VIRMA: variants seen among roughly 807,000 people sequenced by gnomAD.
VIRMA encodes the protein protein virilizer homolog.
VIRMA carries 65 observed loss-of-function variants against 182.4 expected under a neutral mutation model. The observed-to-expected ratio is 0.36, with a 90% CI of 0.29 to 0.44. The LOEUF (loss-of-function observed/expected upper bound fraction) is 0.44, where lower values mean the gene tolerates loss of function less well. VIRMA is among the 20% of genes least tolerant of loss of function. VIRMA has a pLI of 1.00. For synonymous variants in VIRMA, 709 were observed against 743.1 expected (o/e 0.95, Z 0.75); for missense variants, 1,752 against 2,158.1 (o/e 0.81, Z 3.73).
rs143450140 is a variant in VIRMA, at chr8:94,491,844, C to T, written c.4874G>A (p.Gly1625Asp). The T allele has an allele frequency of 4.3e-6, 7 of 1,613,334 alleles. No individual in the cohort carries two copies. The highest frequency in any genetic ancestry group is 1.3e-5 in the African/African-American group (1 of 74,832). The change falls in exon 22 of 24, where the codon GGC becomes GAC. Residue 1625 changes from glycine to aspartate, a missense_variant. Gly to Asp is a moderately conservative substitution (Grantham distance 94). This residue lies in a region of VIRMA where 27 missense variants were observed against 60.8 expected (regional missense o/e 0.44). Coordinates refer to ENST00000297591, the MANE Select transcript of VIRMA (RefSeq NM_015496.5). Reference sequence around the variant, plus strand: ...TATACCCTGTCCAAATCCTCCCCTGCCCCTTCCTCTTGGTGGTGGCACAAC... The same window carrying T: ...TATACCCTGTCCAAATCCTCCCCTGTCCCTTCCTCTTGGTGGTGGCACAAC... Reference protein sequence around the residue: ...AHVVPPPRGRGRGGFGQGIRP... With the variant: ...AHVVPPPRGRDRGGFGQGIRP...
chr8:94,527,570 G>C (rs1815018666), intron 7 of VIRMA, among the ~76,000 whole-genome samples: 1 of 151,918 alleles, frequency 6.6e-6, no homozygotes, highest in South Asian at 2.1e-4. Context: ...TCCTGAAAGG[G>C]GTGAGACCTG....
intron 4 of VIRMA, 37 bp from the exon 5 acceptor site, chr8:94,535,044 T>C (rs1301484069): frequency 6.5e-7 from 1 of 1,549,790 alleles, no homozygotes. Flanking sequence ...TCTTTCAAAG[T>C]CATGTTTTAA....
At chr8:94,524,931 T>G (rs553646862) in intron 8 of VIRMA, among the ~76,000 whole-genome samples, 2 of 152,300 alleles carry the variant, frequency 1.3e-5, no homozygotes, top group East Asian at 3.9e-4. Context: ...TGCTTCTCAT[T>G]TTGTCTTTCT....
intron 19 of VIRMA, among the ~76,000 whole-genome samples, 199 bp from the exon 20 acceptor site, chr8:94,495,155 C>T (rs1330131024): frequency 6.6e-6 from 1 of 151,984 alleles, no homozygotes; most frequent in Non-Finnish European, 1.5e-5. Context: ...TGTGTACCAC[C>T]ACACCCAGCT....
chr8:94,510,336 C>G (rs1332421300), intron 14 of VIRMA, 81 bp downstream of exon 14: 1 of 1,091,762 alleles, frequency 9.2e-7, no homozygotes, highest in East Asian at 2.6e-5. Context: ...ATTCCAAACC[C>G]TAGTTTCCAA....
chr8:94,495,753 G>A lies in VIRMA; in HGVS notation c.4522C>T (p.Leu1508Phe). The change falls in exon 19 of 24, where the codon CTT becomes TTT. Residue 1508 changes from leucine (L) to phenylalanine (F), a missense_variant. Leu to Phe is a conservative substitution (Grantham distance 22, BLOSUM62 0). Transcript: ENST00000297591. ...TACCTATTGTTAAACAGATTCTGAA[G>A]AGATTCTGGAGCTGAAAGTACTGGT... is the stretch of plus-strand genomic sequence containing the variant. ...VEPVLSAPES[L>F]QNLFNNRTAY... is the part of the protein sequence containing the mutation. 1 of 1,613,476 alleles carries A rather than the reference G, an allele frequency of 6.2e-7. No homozygotes were observed. Among genetic ancestry groups the A allele is most frequent in the South Asian group, 1.1e-5 (1 of 90,982 alleles).
intron 7 of VIRMA, 49 bp downstream of exon 7, chr8:94,529,021 A>T (rs1318130877): frequency 6.3e-7 from 1 of 1,597,182 alleles, no homozygotes; most frequent in East Asian, 2.2e-5. Context: ...AGCTGTATCG[A>T]GTTAGTTTCT....
chr8:94,489,959 A>G lies in VIRMA; in HGVS notation c.5264T>C (p.Leu1755Ser), dbSNP rs1563675195. ...SNFNRGPLPP[L>S]RPLSSTGYRP... is the part of the protein sequence containing the mutation. ...TATACCTGTAGAACTAAGGGGTCGT[A>G]ATGGTGGAAGAGGGCCTCTGTTAAA... The change falls in exon 23 of 24, where the codon TTA becomes TCA. Residue 1755 changes from leucine to serine, a missense_variant. By Grantham distance (145) the Leu-to-Ser change is moderately radical (BLOSUM62 -2). Coordinates refer to ENST00000297591, the MANE Select transcript of VIRMA (RefSeq NM_015496.5). 8 of 1,614,056 alleles carry G rather than the reference A, an allele frequency of 5.0e-6. No homozygotes were observed. Among genetic ancestry groups the G allele is most frequent in the Non-Finnish European group, 6.8e-6 (8 of 1,180,004 alleles).
chr8:94,536,863 C>G lies in VIRMA; in HGVS notation c.315+240G>C, dbSNP rs192136444. Among the ~76,000 whole-genome samples the G allele has an allele frequency of 3.1e-3, 467 of 152,226 alleles. 4 individuals are homozygous for G. Among genetic ancestry groups the G allele is most frequent in the African/African-American group, 0.011 (445 of 41,544 alleles). On this transcript the variant is annotated intron_variant, in intron 4 of 23. Transcript: ENST00000297591. ...GCATGGTGGCAGACACCTCTAGTCCCAGCTACTCGGGAGGCTGAGGCAGGA... is the reference window on the plus strand; with the variant it reads ...GCATGGTGGCAGACACCTCTAGTCCGAGCTACTCGGGAGGCTGAGGCAGGA...
chr8:94,526,446 C>T lies in VIRMA; in HGVS notation c.1798G>A (p.Glu600Lys), dbSNP rs1563472484. Reference protein sequence around the residue: ...TDAGLERTNPEYENEVEASMD... With the variant: ...TDAGLERTNPKYENEVEASMD... ...GAAGCTTCCACCTCATTTTCATATT[C>T]TGGGTTTGTTCTCTCAAGTCCAGCA... is the stretch of plus-strand genomic sequence containing the variant. Residue 600 changes from glutamate to lysine, a missense_variant, in exon 8 of 24, where the codon GAA becomes AAA. Coordinates refer to ENST00000297591, the MANE Select transcript of VIRMA (RefSeq NM_015496.5). The T allele has an allele frequency of 6.2e-7, 1 of 1,613,760 alleles. No individual in the cohort carries two copies. Among genetic ancestry groups the T allele is most frequent in the Non-Finnish European group, 8.5e-7 (1 of 1,179,980 alleles).
At chr8:94,529,396 G>A in intron 6 of VIRMA, 54 bp from the exon 7 acceptor site, 1 of 1,043,840 alleles carries the variant, frequency 9.6e-7, no homozygotes, top group Non-Finnish European at 1.5e-6. Flanking sequence ...AATGACAAAA[G>A]GCAGCAAGAC....
At chr8:94,551,982 A>C (rs889474595) in intron 1 of VIRMA, among the ~76,000 whole-genome samples, 2 of 152,170 alleles carry the variant, frequency 1.3e-5, no homozygotes, top group Non-Finnish European at 2.9e-5. Flanking sequence ...CCGCCTCCCA[A>C]AACGTTGAGA....
Position 94,496,328 on chromosome 8 carries a change from C to T in VIRMA, c.4383G>A (p.Leu1461=). The T allele has an allele frequency of 1.2e-6, 2 of 1,602,584 alleles. No individual in the cohort carries two copies. The highest frequency in any genetic ancestry group is 1.1e-5 in the South Asian group (1 of 87,954). Residue 1461 remains leucine (L), a splice_region_variant and synonymous_variant, in exon 18 of 24, where the codon TTG becomes TTA. Coordinates refer to ENST00000297591, the MANE Select transcript of VIRMA (RefSeq NM_015496.5). The stretch of plus-strand genomic sequence containing the variant: ...AACGCTCTGTTTTTTTCTTTTTTAC[C>T]AAAACAAGCTTCTCTAGTTCAAGGA... ...NLFLELEKLV[L]EHSKDDDNLD...
At chr8:94,546,836 T>C (rs1372951639) in intron 1 of VIRMA, 2 of 440,890 alleles carry the variant, frequency 4.5e-6, no homozygotes, top group African/African-American at 4.2e-5. Flanking sequence ...TTCTAAACTA[T>C]AAATGTACCA....
At chr8:94,500,513 G>A (rs1160409284) in intron 16 of VIRMA, among the ~76,000 whole-genome samples, 1 of 152,170 alleles carries the variant, frequency 6.6e-6, no homozygotes, top group Non-Finnish European at 1.5e-5. Flanking sequence ...TCTATCAAAA[G>A]CTGGGGACCT....
intron 15 of VIRMA, among the ~76,000 whole-genome samples, chr8:94,507,226 C>T (rs1323734446): frequency 6.6e-6 from 1 of 151,168 alleles, no homozygotes; most frequent in Non-Finnish European, 1.5e-5. Context: ...ACCTTCGCCT[C>T]CCAGGTTCAA....
At chr8:94,548,318 G>A (rs999968112) in intron 1 of VIRMA, among the ~76,000 whole-genome samples, 7 of 151,034 alleles carry the variant, frequency 4.6e-5, no homozygotes, top group East Asian at 3.9e-4. Flanking sequence ...GGTGAAAAAC[G>A]AAACCACAAA....
At chr8:94,514,026 A>T (rs553197406) in intron 11 of VIRMA, among the ~76,000 whole-genome samples, 1 of 152,302 alleles carries the variant, frequency 6.6e-6, no homozygotes, top group East Asian at 1.9e-4. Flanking sequence ...CAATATACAA[A>T]AATTATTTTA....
At chr8:94,524,625 G>C (rs930874776) in intron 8 of VIRMA, among the ~76,000 whole-genome samples, 1 of 152,128 alleles carries the variant, frequency 6.6e-6, no homozygotes, top group Non-Finnish European at 1.5e-5. Context: ...ATTTTTAGTA[G>C]AGATGGGGTT....
Sources: gnomAD v4.1 joint callset for allele counts (sites outside exome capture counted in the v4.1 genomes callset) on GRCh38, gnomAD v4.1.1 for gene constraint, gnomAD v4.1.1 regional missense constraint, MANE v1.5 for transcripts, NCBI Gene and HGNC (gene_info 2026-07-23, HGNC 2026-07-21) for gene names.